Variants in WWOX observed in about 807,000 individuals in gnomAD.
WWOX encodes the protein WW domain-containing oxidoreductase.
WWOX carries 69 observed loss-of-function variants against 46.2 expected under a neutral mutation model. The ratio of observed to expected loss-of-function variants is 1.49; its 90% CI spans 1.23 to 1.82. The LOEUF is 1.82. Ranked by LOEUF, WWOX falls within the 40% of genes most tolerant of loss-of-function variation. The pLI, the probability that WWOX is intolerant of heterozygous loss-of-function variation, is 0.00. For synonymous variants in WWOX, 359 were observed against 202.6 expected, an observed-to-expected ratio of 1.77 and a Z score of -6.56; for missense variants, 919 against 542.6, an observed-to-expected ratio of 1.69 and a Z score of -6.89.
At chr16:78,706,127 A>G (rs2048324274) in intron 8 of WWOX, among the ~76,000 whole-genome samples, 1 of 124,088 alleles carries the variant, frequency 8.1e-6, no homozygotes, top group Admixed American at 1.0e-4. Flanking sequence ...CAGCATGTTT[A>G]TAAAAATCAT....
intron 8 of WWOX, among the ~76,000 whole-genome samples, chr16:78,752,660 C>G (rs137905213): frequency 6.6e-6 from 1 of 152,178 alleles, no homozygotes; most frequent in Admixed American, 6.5e-5. Flanking sequence ...TTAAGATAAA[C>G]ATTTGTCTTC....
intron 5 of WWOX, among the ~76,000 whole-genome samples, chr16:78,184,649 A>AT (rs1479970867): frequency 6.6e-6 from 1 of 152,158 alleles, no homozygotes; most frequent in African/African-American, 2.4e-5. Flanking sequence ...TTTATATTAC[A>AT]TTCATGTTTT....
intron 8 of WWOX, among the ~76,000 whole-genome samples, chr16:78,699,816 G>T (rs867029645): frequency 6.6e-6 from 1 of 152,062 alleles, no homozygotes; most frequent in Non-Finnish European, 1.5e-5. Flanking sequence ...ATGCATTCTT[G>T]TTAATTTATA....
chr16:78,872,904 C>T (rs975704529), intron 8 of WWOX: 2 of 152,254 alleles, frequency 1.3e-5, no homozygotes, highest in African/African-American at 4.8e-5. Flanking sequence ...CTCAAGCAGT[C>T]CTCCCATGTT....
chr16:79,069,533 C>T (rs2048509100), intron 8 of WWOX, among the ~76,000 whole-genome samples: 1 of 147,496 alleles, frequency 6.8e-6, no homozygotes, highest in African/African-American at 2.5e-5. Flanking sequence ...AAAAGGGTCA[C>T]ATAAAAAAGA....
intron 8 of WWOX, among the ~76,000 whole-genome samples, chr16:79,043,256 A>G (rs934801459): frequency 6.6e-6 from 1 of 152,196 alleles, no homozygotes; most frequent in Non-Finnish European, 1.5e-5. Flanking sequence ...GAAACTTTAC[A>G]ATGAACTTCG....
chr16:78,783,695 G>C (rs1028634190), intron 8 of WWOX, among the ~76,000 whole-genome samples: 2 of 150,230 alleles, frequency 1.3e-5, no homozygotes, highest in African/African-American at 4.9e-5. Context: ...TGATGATGAT[G>C]ATCATGGTGA....
chr16:78,701,233 C>T (rs1187921011), intron 8 of WWOX, among the ~76,000 whole-genome samples: 1 of 152,048 alleles, frequency 6.6e-6, no homozygotes, highest in East Asian at 1.9e-4. Context: ...TTTACATGTA[C>T]ATGTAAAGAA....
intron 8 of WWOX, among the ~76,000 whole-genome samples, chr16:78,634,469 A>G (rs2046515440): frequency 6.6e-6 from 1 of 152,048 alleles, no homozygotes. Context: ...GCACTTTGGG[A>G]GGGCGAGGCG....
At chr16:78,920,025 T>A (rs2045342591) in intron 8 of WWOX, among the ~76,000 whole-genome samples, 2 of 152,192 alleles carry the variant, frequency 1.3e-5, no homozygotes, top group African/African-American at 4.8e-5. Context: ...GGTCATTGTA[T>A]CAGTCAGCGT....
chr16:78,332,394 T>C (rs2151893171), intron 5 of WWOX, among the ~76,000 whole-genome samples: 1 of 152,298 alleles, frequency 6.6e-6, no homozygotes, highest in Middle Eastern at 3.4e-3. Flanking sequence ...CTGTGCAATC[T>C]GAGGGCACGG....
At chr16:78,671,259 C>G (rs888055510) in intron 8 of WWOX, among the ~76,000 whole-genome samples, 6 of 151,956 alleles carry the variant, frequency 3.9e-5, no homozygotes, top group Non-Finnish European at 7.4e-5. Context: ...CCCGTCTCTA[C>G]AAAAAATACC....
chr16:78,388,702 G>T (rs1351309061), intron 6 of WWOX, among the ~76,000 whole-genome samples: 1 of 147,672 alleles, frequency 6.8e-6, no homozygotes, highest in Admixed American at 6.8e-5. Context: ...TGGCGTGGTG[G>T]CTCACGCCTG....
At chr16:78,413,084 T>C (rs796281612) in intron 6 of WWOX, among the ~76,000 whole-genome samples, 1 of 152,180 alleles carries the variant, frequency 6.6e-6, no homozygotes, top group East Asian at 1.9e-4. Context: ...TCCTGCTAGC[T>C]GGACAGAGCT....
chr16:78,713,874 T>C, intron 8 of WWOX, among the ~76,000 whole-genome samples: 1 of 152,166 alleles, frequency 6.6e-6, no homozygotes, highest in East Asian at 1.9e-4. Context: ...GGTCCTGATC[T>C]GAATATGATT....
At chr16:78,213,891 G>A (rs534445503) in intron 5 of WWOX, among the ~76,000 whole-genome samples, 19 of 152,234 alleles carry the variant, frequency 1.2e-4, no homozygotes, top group Non-Finnish European at 1.9e-4. Flanking sequence ...CCCCCAGGGC[G>A]GTTTCAGGAG....
At chr16:78,170,437 T>C (rs17572291) in intron 5 of WWOX, among the ~76,000 whole-genome samples, 20,425 of 152,208 alleles carry the variant, frequency 0.13, 1,578 homozygotes, top group South Asian at 0.21. Flanking sequence ...CTGCTATTAA[T>C]AACAACAATA....
chr16:79,059,713 C>A (rs1446556629), intron 8 of WWOX, among the ~76,000 whole-genome samples: 1 of 152,112 alleles, frequency 6.6e-6, no homozygotes, highest in Admixed American at 6.5e-5. Context: ...CCAGGCATCT[C>A]AATCGTTTTA....
At chr16:78,212,197 G>C (rs183710933) in intron 5 of WWOX, among the ~76,000 whole-genome samples, 1 of 152,266 alleles carries the variant, frequency 6.6e-6, no homozygotes, top group Non-Finnish European at 1.5e-5. Context: ...CTGCTTCTTT[G>C]GCAGTCTAGT....
Sources: allele counts gnomAD v4.1 joint callset (sites outside exome capture counted in the v4.1 genomes callset), GRCh38; gene constraint gnomAD v4.1.1; transcripts MANE v1.5; gene names NCBI Gene and HGNC (gene_info 2026-07-23, HGNC 2026-07-21).